Variants in HNF1B observed in about 807,000 individuals in gnomAD.
HNF1B encodes HNF1 homeobox B.
HNF1B carries 8 observed loss-of-function variants against 61.7 expected under a neutral mutation model. The observed-to-expected ratio is 0.13, with a 90% CI of 0.08 to 0.23. HNF1B has a LOEUF of 0.23. HNF1B is among the 10% of genes least tolerant of loss of function. The pLI is 1.00. For synonymous variants in HNF1B, 314 were observed against 287.7 expected, an observed-to-expected ratio of 1.09 and a Z score of -0.93; for missense variants, 562 against 714.5, an observed-to-expected ratio of 0.79 and a Z score of 2.43.
intron 4 of HNF1B, among the ~76,000 whole-genome samples, chr17:37,717,097 G>A (rs117630578): frequency 5.3e-5 from 8 of 152,320 alleles, no homozygotes; most frequent in Non-Finnish European, 1.2e-4. Context: ...AAGAAGAAAT[G>A]AGGAAAGTGG....
chr17:37,716,575 A>G (rs923223686), intron 4 of HNF1B, among the ~76,000 whole-genome samples: 4 of 152,098 alleles, frequency 2.6e-5, no homozygotes, highest in African/African-American at 9.7e-5. Flanking sequence ...AACTCTGGTG[A>G]TTTTTAGGCT....
intron 8 of HNF1B, among the ~76,000 whole-genome samples, chr17:37,687,600 C>A (rs2032022663): frequency 6.6e-6 from 1 of 152,134 alleles, no homozygotes; most frequent in Non-Finnish European, 1.5e-5. Flanking sequence ...GCTTTCCTGG[C>A]CACTTCAGAA....
chr17:37,690,900 C>T (rs986336522), intron 8 of HNF1B, among the ~76,000 whole-genome samples: 9 of 152,190 alleles, frequency 5.9e-5, no homozygotes, highest in African/African-American at 1.9e-4. Context: ...CAGGAACCAT[C>T]GGCGTGTACA....
chr17:37,709,355 G>C (rs2032857583), intron 5 of HNF1B, among the ~76,000 whole-genome samples: 1 of 152,092 alleles, frequency 6.6e-6, no homozygotes, highest in Non-Finnish European at 1.5e-5. Context: ...GCTCAAGTGA[G>C]CTCCCCACCT....
At chr17:37,726,169 T>A (rs1357495805) in intron 4 of HNF1B, among the ~76,000 whole-genome samples, 1 of 152,160 alleles carries the variant, frequency 6.6e-6, no homozygotes, top group African/African-American at 2.4e-5. Context: ...TTTCTCTCTC[T>A]CTCTCTCTGT....
At chr17:37,725,265 G>T (rs921013684) in intron 4 of HNF1B, among the ~76,000 whole-genome samples, 2 of 152,152 alleles carry the variant, frequency 1.3e-5, no homozygotes, top group Non-Finnish European at 2.9e-5. Context: ...TCCTTGAATC[G>T]TCTAAGGATC....
intron 2 of HNF1B, among the ~76,000 whole-genome samples, chr17:37,737,702 G>A (rs1274925674): frequency 2.0e-5 from 3 of 151,910 alleles, no homozygotes; most frequent in Non-Finnish European, 4.4e-5. Context: ...AGGTGTGGTG[G>A]CGGGCACCTG....
intron 1 of HNF1B, among the ~76,000 whole-genome samples, chr17:37,744,253 GCTCCAC>G (rs2147597051): frequency 6.6e-6 from 1 of 152,352 alleles, no homozygotes; most frequent in South Asian, 2.1e-4. Flanking sequence ...CCGGCAAAGG[GCTCCAC>G]AGCTCCAGTT....
intron 8 of HNF1B, among the ~76,000 whole-genome samples, chr17:37,694,980 A>G (rs1568634120): frequency 2.0e-5 from 3 of 152,366 alleles, no homozygotes; most frequent in African/African-American, 4.8e-5. Flanking sequence ...CAAGTGGCCT[A>G]TGGAGCAACA....
intron 4 of HNF1B, among the ~76,000 whole-genome samples, chr17:37,712,759 G>A (rs1219460719): frequency 6.6e-6 from 1 of 152,174 alleles, no homozygotes; most frequent in Non-Finnish European, 1.5e-5. Context: ...GAAAAATGGA[G>A]AGAATGCCTC....
chr17:37,697,034 G>A (rs377075153), intron 8 of HNF1B, among the ~76,000 whole-genome samples: 19 of 152,272 alleles, frequency 1.2e-4, no homozygotes, highest in East Asian at 5.8e-4. Flanking sequence ...AGCAGTTACC[G>A]TAGAATTTTA....
In HNF1B at chr17:37,691,262, G is replaced by A. The variant is rs565807595; in HGVS notation, c.1654-3870C>T. Reference sequence around the variant, plus strand: ...TTGAGGGTGAGGAAGTGGAGACAGTGAGGACAGATAAGTCACTTCTATGAC... The same window carrying A: ...TTGAGGGTGAGGAAGTGGAGACAGTAAGGACAGATAAGTCACTTCTATGAC... On this transcript the variant is annotated intron_variant, in intron 8 of 8. Transcript: ENST00000617811. Among the ~76,000 whole-genome samples the A allele has an allele frequency of 3.3e-5, 5 of 152,304 alleles. No homozygotes were observed. In the East Asian group the frequency reaches 9.6e-4, roughly 29 times the overall value.
At position 37,744,828 on chromosome 17, in the gene HNF1B, G is replaced by T. The variant is rs1287003177; in HGVS notation, c.57C>A (p.Ser19=). 6.2e-7 allele frequency: 1 copy of T among 1,613,442 alleles called. No individual in the cohort carries two copies. The highest frequency in any genetic ancestry group is 8.5e-7 in the Non-Finnish European group (1 of 1,180,014). ...QQELLSALLS[S]GVTKEVLVQA... ...GAACCAGCACCTCCTTGGTGACCCC[G>T]GAGCTCAGCAGGGCGCTCAGGAGTT... The change falls in exon 1 of 9, where the codon TCC becomes TCA. Residue 19 remains serine (S), a synonymous_variant. Coordinates refer to ENST00000617811, the MANE Select transcript of HNF1B (RefSeq NM_000458.4).
At position 37,744,163 on chromosome 17, in the gene HNF1B, G is replaced by A. The variant is rs533140801; in HGVS notation, c.344+378C>T. Among the ~76,000 whole-genome samples the A allele has an allele frequency of 2.0e-5, 3 of 152,348 alleles. No individual in the cohort carries two copies. In the East Asian group the frequency reaches 5.8e-4, roughly 29 times the overall value. ...AAAAATGCGCGGCCTGGGGCTTGCAGCGGCGCGAGGCTCTGCTCCCGGGAA... is the reference window on the plus strand; with the variant it reads ...AAAAATGCGCGGCCTGGGGCTTGCAACGGCGCGAGGCTCTGCTCCCGGGAA... On this transcript the variant is annotated intron_variant, in intron 1 of 8. Transcript: ENST00000617811.
chr17:37,714,648 C>T (rs778187049), intron 4 of HNF1B, among the ~76,000 whole-genome samples: 2 of 152,202 alleles, frequency 1.3e-5, no homozygotes, highest in South Asian at 4.1e-4. Context: ...CATCTACTTT[C>T]CTCTATTCCT....
chr17:37,744,916 G>C lies in HNF1B; in HGVS notation c.-32C>G. On this transcript the variant is annotated 5_prime_UTR_variant, in exon 1 of 9. Transcript: ENST00000617811. The stretch of plus-strand genomic sequence containing the variant: ...AGGACGGAAAAAGAAGGGGGTGAGG[G>C]GGTGGGTGGGTGCGAGAGAGGAGGG... The C allele has an allele frequency of 7.2e-7, 1 of 1,385,642 alleles. No homozygotes were observed. Among genetic ancestry groups the C allele is most frequent in the Non-Finnish European group, 1.0e-6 (1 of 980,438 alleles). 85.8% of individuals were successfully genotyped at this position (1,385,642 alleles called of 1,614,324 possible).
chr17:37,734,881 C>T (rs964236983), intron 2 of HNF1B, among the ~76,000 whole-genome samples: 16 of 149,480 alleles, frequency 1.1e-4, no homozygotes, highest in East Asian at 5.9e-4. Context: ...CTCCGCCTCC[C>T]GGGTTCAAAC....
intron 4 of HNF1B, among the ~76,000 whole-genome samples, chr17:37,715,149 T>A (rs2147487605): frequency 6.6e-6 from 1 of 152,254 alleles, no homozygotes; most frequent in Middle Eastern, 3.4e-3. Flanking sequence ...CCTTCCTTTG[T>A]ATTTTACATG....
chr17:37,722,422 C>T (rs188604788), intron 4 of HNF1B, among the ~76,000 whole-genome samples: 27 of 152,316 alleles, frequency 1.8e-4, no homozygotes, highest in African/African-American at 6.5e-4. Flanking sequence ...TAAGGTCACA[C>T]TGCCGGATAG....
Sources: allele counts gnomAD v4.1 joint callset (sites outside exome capture counted in the v4.1 genomes callset), GRCh38; gene constraint gnomAD v4.1.1; transcripts MANE v1.5; gene names NCBI Gene and HGNC (gene_info 2026-07-23, HGNC 2026-07-21).